HACE1: variants seen among roughly 807,000 people sequenced by gnomAD.
HACE1 encodes E3 ubiquitin-protein ligase HACE1.
In HACE1, 73 loss-of-function variants were observed where a neutral mutation model predicts 118.4. That is an observed-to-expected ratio of 0.62 (90% CI 0.51 to 0.75). The LOEUF (loss-of-function observed/expected upper bound fraction) is 0.75, where lower values mean the gene tolerates loss of function less well. HACE1 is among the 30% of genes least tolerant of loss of function. HACE1 has a pLI of 0.00. For synonymous variants in HACE1, 368 were observed against 374.8 expected (o/e 0.98, Z 0.21); for missense variants, 749 against 1,102.2 (o/e 0.68, Z 4.54).
intron 11 of HACE1, among the ~76,000 whole-genome samples, chr6:104,790,873 T>C (rs1461514641): frequency 1.3e-5 from 2 of 151,952 alleles, no homozygotes; most frequent in African/African-American, 2.4e-5. Flanking sequence ...TATAGTCCTA[T>C]TCATTTTGTT....
At chr6:104,839,671 T>C (rs1774900907) in intron 5 of HACE1, among the ~76,000 whole-genome samples, 1 of 151,986 alleles carries the variant, frequency 6.6e-6, no homozygotes, top group Non-Finnish European at 1.5e-5. Flanking sequence ...TAAAAATGAA[T>C]AGAACTTAAA....
intron 5 of HACE1, among the ~76,000 whole-genome samples, chr6:104,837,263 T>A (rs561720235): frequency 2.0e-5 from 3 of 152,250 alleles, no homozygotes; most frequent in Admixed American, 2.0e-4. Flanking sequence ...ATCGAGACAG[T>A]GTGGTATTAG....
chr6:104,790,421 T>A (rs926872887), intron 11 of HACE1, among the ~76,000 whole-genome samples: 1 of 152,228 alleles, frequency 6.6e-6, no homozygotes, highest in African/African-American at 2.4e-5. Context: ...ACTTTTTTGA[T>A]AAATAACCTA....
chr6:104,756,001 T>G (rs1778582630), intron 19 of HACE1, among the ~76,000 whole-genome samples: 1 of 152,134 alleles, frequency 6.6e-6, no homozygotes, highest in Non-Finnish European at 1.5e-5. Context: ...GGAGCTGATT[T>G]TTTGAAAATA....
chr6:104,835,986 T>TCAAAGACTCA (rs1353054024), intron 5 of HACE1, among the ~76,000 whole-genome samples: 14 of 152,190 alleles, frequency 9.2e-5, no homozygotes, highest in Non-Finnish European at 1.9e-4. Context: ...ATAATCAGAC[T>TCAAAGACTCA]CAAAGACTCA....
Position 104,796,917 on chromosome 6 carries a change from T to C in HACE1, c.714+12A>G, listed in dbSNP as rs1392613615. 6.9e-7 allele frequency: 1 copy of C among 1,448,678 alleles called. No individual in the cohort carries two copies. The highest frequency in any genetic ancestry group is 2.3e-5 in the East Asian group (1 of 43,970). The allele number at this position is 1,448,678 out of a possible 1,614,324, so 89.7% of individuals were successfully genotyped here. On this transcript the variant is annotated intron_variant, in intron 8 of 23. Transcript: ENST00000262903. ...AAAGATAAGGGGCTCAGAATATAAATGAAAAACACACCTGTACACATAAAT... is the reference window on the plus strand; with the variant it reads ...AAAGATAAGGGGCTCAGAATATAAACGAAAAACACACCTGTACACATAAAT...
chr6:104,813,835 A>G (rs79797342), intron 6 of HACE1, among the ~76,000 whole-genome samples: 20,762 of 137,568 alleles, frequency 0.15, 4,630 homozygotes, highest in Middle Eastern at 0.24. Context: ...AACTCAGAAT[A>G]ACAAAGACAG....
rs1399689721 is a variant in HACE1, at chr6:104,848,454, C to CA, written c.326+687dup. On this transcript the variant is annotated intron_variant, in intron 4 of 23. Transcript: ENST00000262903. ...CTGGTGACGGAGTGAGACCCCATCT[C>CA]AAAAAAAAAAAAAAAGAAAGAGTTT... Among the ~76,000 whole-genome samples the CA allele has an allele frequency of 6.5e-3, 561 of 86,440 alleles. 1 individual carries two copies. Among genetic ancestry groups the CA allele is most frequent in the African/African-American group, 0.016 (363 of 22,936 alleles). 56.7% of individuals were successfully genotyped at this position (86,440 alleles called of 152,430 possible). A position where few individuals can be genotyped will look rare whatever the true frequency, so the allele number is the denominator to read the frequency against.
chr6:104,729,924 A>G (rs1339776713), intron 23 of HACE1, among the ~76,000 whole-genome samples, 160 bp from the exon 24 acceptor site: 6 of 152,284 alleles, frequency 3.9e-5, no homozygotes, highest in Non-Finnish European at 5.9e-5. Context: ...AAGAAGAAAA[A>G]ATCTGCTGCA....
intron 19 of HACE1, among the ~76,000 whole-genome samples, chr6:104,756,397 G>A (rs9499951): frequency 1.6e-5 from 2 of 126,966 alleles, no homozygotes; most frequent in Non-Finnish European, 1.6e-5. Flanking sequence ...GAGTGACAGA[G>A]CCAGATTCCA....
intron 10 of HACE1, among the ~76,000 whole-genome samples, chr6:104,792,191 A>T (rs1330160545): frequency 1.3e-5 from 2 of 152,234 alleles, no homozygotes; most frequent in Admixed American, 6.5e-5. Flanking sequence ...TGAAAAATTT[A>T]AAAGTTGCTA....
At chr6:104,751,708 A>G (rs1186337102) in intron 19 of HACE1, among the ~76,000 whole-genome samples, 1 of 152,190 alleles carries the variant, frequency 6.6e-6, no homozygotes, top group African/African-American at 2.4e-5. Context: ...ATATACAGAG[A>G]GAGAAAGAGT....
chr6:104,831,571 C>G (rs1258091032), intron 6 of HACE1, among the ~76,000 whole-genome samples: 1 of 133,446 alleles, frequency 7.5e-6, no homozygotes, highest in African/African-American at 2.8e-5. Context: ...GGTGACAGAG[C>G]GAGCCTCCGT....
chr6:104,772,191 G>A, intron 17 of HACE1, 117 bp from the exon 18 acceptor site: 2 of 624,804 alleles, frequency 3.2e-6, no homozygotes, highest in Non-Finnish European at 5.7e-6. Flanking sequence ...GTTACATTAT[G>A]TATAAACTTC....
chr6:104,737,684 C>T (rs909401434), intron 22 of HACE1, among the ~76,000 whole-genome samples: 10 of 152,288 alleles, frequency 6.6e-5, no homozygotes, highest in Admixed American at 5.2e-4. Flanking sequence ...TCCTACCCCA[C>T]GGAGTCTCGC....
intron 19 of HACE1, among the ~76,000 whole-genome samples, chr6:104,761,837 TAAAC>T (rs575493535): frequency 0.034 from 5,121 of 151,964 alleles, 268 homozygotes; most frequent in African/African-American, 0.12. Flanking sequence ...ACAAAGAACT[TAAAC>T]AAATTTACAA....
chr6:104,730,327 T>G lies in HACE1; in HGVS notation c.2603A>C (p.Asn868Thr). The G allele has an allele frequency of 6.4e-7, 1 of 1,560,168 alleles. No individual in the cohort carries two copies. Among genetic ancestry groups the G allele is most frequent in the Non-Finnish European group, 8.8e-7 (1 of 1,130,614 alleles). The change falls in exon 23 of 24, where the codon AAT (asparagine) becomes ACT (threonine). Residue 868 changes from asparagine (N) to threonine (T), a missense_variant. Asn to Thr is a moderately conservative substitution (Grantham distance 65). This residue lies in a region of HACE1 where 165 missense variants were observed against 229.9 expected (regional missense o/e 0.72). Coordinates refer to ENST00000262903, the MANE Select transcript of HACE1 (RefSeq NM_020771.4). ...CCATGTGCTTGAAGTTGGTAAAAGA[T>G]TTGGAGTATATGGCACAGCAGCGAT... ...FTIAAVPYTP[N>T]LLPTSSTCIN... is the part of the protein sequence containing the mutation.
chr6:104,807,019 CTTTTTTT>C (rs371450175), intron 7 of HACE1, among the ~76,000 whole-genome samples: 5 of 129,172 alleles, frequency 3.9e-5, no homozygotes, highest in African/African-American at 5.7e-5. Context: ...TGTAAGAATT[CTTTTTTT>C]TTTTTTTTTT....
rs368996338 is a variant in HACE1, at chr6:104,757,146, A to T, written c.2212-6674T>A. Among the ~76,000 whole-genome samples the T allele has an allele frequency of 1.2e-4, 18 of 152,330 alleles. 1 individual carries two copies. The South Asian group carries it at 3.5e-3, about 30-fold the overall frequency. ...ACCTCTAGGGGCAGGACGTACCTGA[A>T]CAAAAGGCAGCAGACAGCTTCTCCA... On this transcript the variant is annotated intron_variant, in intron 19 of 23. Transcript: ENST00000262903.
Sources: allele counts gnomAD v4.1 joint callset (sites outside exome capture counted in the v4.1 genomes callset), GRCh38; gene constraint gnomAD v4.1.1; regional missense constraint gnomAD v4.1.1; transcripts MANE v1.5; gene names NCBI Gene and HGNC (gene_info 2026-07-23, HGNC 2026-07-21).